ZNF75D: variants seen among roughly 807,000 people sequenced by gnomAD.
ZNF75D encodes zinc finger protein 75D.
In ZNF75D, 33 loss-of-function variants were observed where a neutral mutation model predicts 33.3. The ratio of observed to expected loss-of-function variants is 0.99; its 90% CI spans 0.75 to 1.32. ZNF75D has a LOEUF of 1.32. Ranked by LOEUF, ZNF75D falls within the 40% of genes most tolerant of loss-of-function variation. The pLI is 0.00. For synonymous variants in ZNF75D, 113 were observed against 130.6 expected (o/e 0.87, Z 0.92); for missense variants, 338 against 367.5 (o/e 0.92, Z 0.66).
At position 135,292,493 on chromosome X, in the gene ZNF75D, T is replaced by C. The variant is rs1031022116; in HGVS notation, c.412-20A>G. On this transcript the variant is annotated intron_variant, in intron 3 of 6. Coordinates refer to ENST00000370766, the MANE Select transcript of ZNF75D (RefSeq NM_007131.5). ...TGTGACCTAGAAATAATCCCCATCC[T>C]CATTAGCACAGAACTTACTTTTGGT... 2.5e-6 allele frequency: 3 copies of C among 1,200,049 alleles called. No homozygotes were observed. Among genetic ancestry groups the C allele is most frequent in the Non-Finnish European group, 3.4e-6 (3 of 888,235 alleles).
At chrX:135,256,982 C>G (rs1455083824) in intron 1 of ZNF75D, among the ~76,000 whole-genome samples, 3 of 111,196 alleles carry the variant, frequency 2.7e-5, no homozygotes, top group Admixed American at 1.9e-4. Context: ...CTGGCAGGAC[C>G]TATCACCTGC....
At chrX:135,320,122 G>A (rs782773091) in intron 1 of ZNF75D, among the ~76,000 whole-genome samples, 5 of 111,024 alleles carry the variant, frequency 4.5e-5, no homozygotes, top group Non-Finnish European at 9.4e-5. Flanking sequence ...GTGAAACCCT[G>A]TCTCTACTAA....
intron 1 of ZNF75D, among the ~76,000 whole-genome samples, chrX:135,258,910 G>C (rs1428454732): frequency 8.9e-6 from 1 of 112,096 alleles, no homozygotes; most frequent in Non-Finnish European, 1.9e-5. Flanking sequence ...TTTCCTTCAA[G>C]GGTTTTTACG....
intron 1 of ZNF75D, among the ~76,000 whole-genome samples, chrX:135,319,090 C>T: frequency 9.0e-6 from 1 of 111,519 alleles, no homozygotes; most frequent in South Asian, 3.8e-4. Flanking sequence ...CTTGTCACCT[C>T]ACCCTAGATG....
intron 1 of ZNF75D, among the ~76,000 whole-genome samples, chrX:135,335,206 G>A (rs1036222010): frequency 9.0e-6 from 1 of 111,437 alleles, no homozygotes; most frequent in Non-Finnish European, 1.9e-5. Flanking sequence ...TTTGAGAGGA[G>A]GTAGACTGGG....
chrX:135,304,981 C>G (rs1298633888), intron 1 of ZNF75D, among the ~76,000 whole-genome samples: 1 of 112,463 alleles, frequency 8.9e-6, no homozygotes, highest in African/African-American at 3.2e-5. Flanking sequence ...TGACCCAAGG[C>G]CAACTGGAGG....
At chrX:135,309,492 C>T (rs917121547) in intron 1 of ZNF75D, 2 of 295,034 alleles carry the variant, frequency 6.8e-6, no homozygotes, top group African/African-American at 2.8e-5. Flanking sequence ...GGATAAAGAA[C>T]TCCCTAAAGC....
At chrX:135,267,951 A>T (rs1042216634) in intron 1 of ZNF75D, among the ~76,000 whole-genome samples, 1 of 110,299 alleles carries the variant, frequency 9.1e-6, no homozygotes, top group East Asian at 2.8e-4. Flanking sequence ...GGATTCAAGG[A>T]TGATTCAACA....
chrX:135,333,645 T>C (rs1406840851), intron 1 of ZNF75D, among the ~76,000 whole-genome samples: 14 of 111,432 alleles, frequency 1.3e-4, no homozygotes, highest in African/African-American at 4.6e-4. Flanking sequence ...ATTGTAACCT[T>C]AAGGCTGATG....
At chrX:135,277,272 C>A (rs2083902660) in intron 1 of ZNF75D, among the ~76,000 whole-genome samples, 1 of 112,414 alleles carries the variant, frequency 8.9e-6, no homozygotes, top group African/African-American at 3.2e-5. Context: ...AGTTTGTTGG[C>A]CGCATAAATG....
At chrX:135,313,482 T>C (rs2084384004) in intron 1 of ZNF75D, among the ~76,000 whole-genome samples, 1 of 112,008 alleles carries the variant, frequency 8.9e-6, no homozygotes, top group Non-Finnish European at 1.9e-5. Flanking sequence ...TTTTTTGTTG[T>C]TGTTGTTCCA....
At chrX:135,327,627 C>G (rs1452965908) in intron 1 of ZNF75D, 1 of 112,152 alleles carries the variant, frequency 8.9e-6, no homozygotes, top group Non-Finnish European at 1.9e-5. Flanking sequence ...ACTCAGTTAT[C>G]TTGGCCTCAG....
downstream of ZNF75D, among the ~76,000 whole-genome samples, chrX:135,282,052 T>C (rs2083921993): frequency 8.9e-6 from 1 of 112,472 alleles, no homozygotes; most frequent in Non-Finnish European, 1.9e-5. Context: ...TCAGAGACTG[T>C]AGGCAGGAAC....
chrX:135,278,323 T>C (rs1210144010), intron 1 of ZNF75D, among the ~76,000 whole-genome samples: 1 of 112,265 alleles, frequency 8.9e-6, no homozygotes, highest in East Asian at 2.8e-4. Flanking sequence ...CTTGTGATTT[T>C]TGCACATTGA....
intron 1 of ZNF75D, among the ~76,000 whole-genome samples, chrX:135,337,222 A>G (rs944404241): frequency 8.9e-6 from 1 of 112,444 alleles, no homozygotes; most frequent in Non-Finnish European, 1.9e-5. Context: ...ACACATATAT[A>G]CAATGTATAT....
chrX:135,299,352 T>C (rs185689387), intron 1 of ZNF75D, among the ~76,000 whole-genome samples: 22 of 112,314 alleles, frequency 2.0e-4, no homozygotes, highest in African/African-American at 6.5e-4. Flanking sequence ...TGACATCTCA[T>C]TGTGCTTTGA....
At chrX:135,324,771 T>C (rs1315869156) in intron 1 of ZNF75D, among the ~76,000 whole-genome samples, 1 of 112,666 alleles carries the variant, frequency 8.9e-6, no homozygotes, top group Admixed American at 9.3e-5. Flanking sequence ...ATTGAGGTCA[T>C]GCATGGCTGC....
chrX:135,317,963 C>T (rs185791295), intron 1 of ZNF75D, among the ~76,000 whole-genome samples: 14 of 109,458 alleles, frequency 1.3e-4, no homozygotes, highest in Admixed American at 9.7e-4. Flanking sequence ...CAGCCTAAGT[C>T]GGTAGGTGGG....
At chrX:135,307,265 T>C (rs1471145897) in intron 1 of ZNF75D, among the ~76,000 whole-genome samples, 3 of 111,849 alleles carry the variant, frequency 2.7e-5, no homozygotes, top group Non-Finnish European at 5.6e-5. Context: ...CCTGAAGGAC[T>C]GAGCCTTCCT....
Sources: allele counts gnomAD v4.1 joint callset (sites outside exome capture counted in the v4.1 genomes callset), GRCh38; gene constraint gnomAD v4.1.1; transcripts MANE v1.5; gene names NCBI Gene and HGNC (gene_info 2026-07-23, HGNC 2026-07-21).